ASH1L: variants seen among roughly 807,000 people sequenced by gnomAD.
ASH1L encodes the protein histone-lysine N-methyltransferase ASH1L.
ASH1L carries 23 observed loss-of-function variants against 269.0 expected under a neutral mutation model. The observed-to-expected ratio is 0.09, with a 90% CI of 0.06 to 0.12. The LOEUF (loss-of-function observed/expected upper bound fraction) is 0.12, where lower values mean the gene tolerates loss of function less well. ASH1L is among the 10% of genes least tolerant of loss of function. ASH1L has a pLI of 1.00. For missense variants in ASH1L, 2,912 were observed against 3,567.8 expected (o/e 0.82, Z 4.68); for synonymous variants, 1,187 against 1,253.5 (o/e 0.95, Z 1.12).
At position 155,339,344 on chromosome 1, in the gene ASH1L, T is replaced by C; in HGVS notation, c.8485A>G (p.Lys2829Glu). ...FSPHYVPDNY[K>E]RNGGRSSWKS... is the part of the protein sequence containing the mutation. The stretch of plus-strand genomic sequence containing the variant: ...GGGACTTACCGTCCTCCATTCCTCT[T>C]GTAGTTGTCTGGGACGTAATGAGGC... Residue 2829 changes from lysine (K) to glutamate (E), a missense_variant, in exon 26 of 28, where the codon AAG becomes GAG. Coordinates refer to ENST00000392403, the MANE Select transcript of ASH1L (RefSeq NM_018489.3). 6.2e-7 allele frequency: 1 copy of C among 1,613,672 alleles called. No individual in the cohort carries two copies. Among genetic ancestry groups the C allele is most frequent in the Middle Eastern group, 1.7e-4 (1 of 6,058 alleles).
intron 13 of ASH1L, among the ~76,000 whole-genome samples, chr1:155,358,071 G>A (rs927841932): frequency 2.0e-4 from 31 of 152,046 alleles, no homozygotes; most frequent in African/African-American, 7.2e-4. Flanking sequence ...GTGACCAGCT[G>A]AGAATAATTT....
At chr1:155,449,525 T>G (rs1663309449) in intron 4 of ASH1L, among the ~76,000 whole-genome samples, 2 of 151,360 alleles carry the variant, frequency 1.3e-5, no homozygotes, top group Admixed American at 6.6e-5. Context: ...TGTGGTTGTT[T>G]TTTTTTTTTT....
chr1:155,460,361 G>A (rs909270640), intron 3 of ASH1L, among the ~76,000 whole-genome samples: 2 of 152,196 alleles, frequency 1.3e-5, no homozygotes, highest in Admixed American at 6.5e-5. Context: ...TGTAATCCCA[G>A]TACTTTGGGA....
At chr1:155,459,488 G>A (rs887776387) in intron 4 of ASH1L, among the ~76,000 whole-genome samples, 1 of 152,132 alleles carries the variant, frequency 6.6e-6, no homozygotes, top group African/African-American at 2.4e-5. Context: ...AAGCCACAGC[G>A]CCTGGCCTTA....
At chr1:155,349,884 CTTTTTT>C (rs1299756334) in intron 17 of ASH1L, among the ~76,000 whole-genome samples, 1 of 97,698 alleles carries the variant, frequency 1.0e-5, no homozygotes, top group South Asian at 3.3e-4. Flanking sequence ...CGCCAAGCTA[CTTTTTT>C]TTTTTTTTTT....
Position 155,481,296 on chromosome 1 carries a change from A to G in ASH1L, c.1574T>C (p.Val525Ala), listed in dbSNP as rs751864310. 2.5e-6 allele frequency: 4 copies of G among 1,614,174 alleles called. No homozygotes were observed. In the South Asian group the frequency reaches 4.4e-5, roughly 18 times the overall value. ...ETSKHEKQPP[V>A]YCTSPDFKMG... ...TTTAAAGTCCGGAGAAGTGCAATAT[A>G]CAGGAGGCTGCTTTTCATGCTTTGA... The change falls in exon 3 of 28, where the codon GTA (valine) becomes GCA (alanine). Residue 525 changes from valine to alanine, a missense_variant. Physicochemically the swap from Val to Ala is moderately conservative, Grantham distance 64 (BLOSUM62 0). Transcript: ENST00000392403.
At chr1:155,443,977 A>ATTTTTT (rs1662797088) in intron 4 of ASH1L, among the ~76,000 whole-genome samples, 2 of 134,722 alleles carry the variant, frequency 1.5e-5, no homozygotes, top group African/African-American at 6.2e-5. Context: ...GAATTACTAA[A>ATTTTTT]TCTTTTTTTT....
intron 5 of ASH1L, among the ~76,000 whole-genome samples, chr1:155,438,017 T>A (rs1040768569): frequency 6.6e-6 from 1 of 152,094 alleles, no homozygotes; most frequent in African/African-American, 2.4e-5. Flanking sequence ...TCTAGCTAAT[T>A]TTTATATTTT....
At chr1:155,453,216 G>C (rs1158728889) in intron 4 of ASH1L, among the ~76,000 whole-genome samples, 1 of 152,054 alleles carries the variant, frequency 6.6e-6, no homozygotes, top group Non-Finnish European at 1.5e-5. Flanking sequence ...TTAGCCAGGC[G>C]TGGTAGCACA....
chr1:155,454,795 T>C (rs964580148), intron 4 of ASH1L, among the ~76,000 whole-genome samples: 1 of 152,018 alleles, frequency 6.6e-6, no homozygotes, highest in Admixed American at 6.6e-5. Flanking sequence ...AATAAATAAA[T>C]TTATGTAAAA....
chr1:155,494,709 G>C (rs1407963928), intron 2 of ASH1L, among the ~76,000 whole-genome samples: 2 of 152,106 alleles, frequency 1.3e-5, no homozygotes, highest in African/African-American at 4.8e-5. Flanking sequence ...TTTAGTTTGA[G>C]ACATGTTAAA....
intron 7 of ASH1L, 88 bp from the exon 8 acceptor site, chr1:155,380,204 C>T (rs1010831755): frequency 1.1e-6 from 1 of 898,008 alleles, no homozygotes; most frequent in Non-Finnish European, 1.7e-6. Flanking sequence ...CTAACATGTA[C>T]TGACTAAAAA....
At chr1:155,414,386 T>C (rs1660040199) in intron 6 of ASH1L, among the ~76,000 whole-genome samples, 1 of 152,136 alleles carries the variant, frequency 6.6e-6, no homozygotes, top group Non-Finnish European at 1.5e-5. Flanking sequence ...CTCGGCTCAC[T>C]GCAACCTCCG....
At chr1:155,404,586 G>A (rs1447803576) in intron 6 of ASH1L, among the ~76,000 whole-genome samples, 1 of 152,056 alleles carries the variant, frequency 6.6e-6, no homozygotes, top group South Asian at 2.1e-4. Context: ...ACACATGACG[G>A]AATCCACTAA....
chr1:155,346,592 T>C (rs1653354839), intron 20 of ASH1L, 123 bp from the exon 21 acceptor site: 2 of 737,480 alleles, frequency 2.7e-6, no homozygotes, highest in Non-Finnish European at 4.7e-6. Context: ...AAGGGATAAC[T>C]GGGTGAATGA....
In ASH1L at chr1:155,438,552, T is replaced by C. The variant is rs1040483514; in HGVS notation, c.5603A>G (p.Gln1868Arg). The C allele has an allele frequency of 1.2e-6, 2 of 1,613,800 alleles. No homozygotes were observed. The highest frequency in any genetic ancestry group is 1.3e-5 in the African/African-American group (1 of 74,936). The change falls in exon 5 of 28, where the codon CAG (glutamine) becomes CGG (arginine). Residue 1868 changes from glutamine (Q) to arginine (R), a missense_variant. By Grantham distance (43) the Gln-to-Arg change is conservative. Around this residue, in one of 13 missense-constraint regions of ASH1L, gnomAD observed 789 missense variants for 897.6 expected, o/e 0.88. Transcript: ENST00000392403. ...TTCTGGGTTGACAAACTGAGCAGCC[T>C]GGAATGCTTGCATTGATACGACAGC... Reference protein sequence around the residue: ...LQAVVSMQAFQAAQFVNPELN... With the variant: ...LQAVVSMQAFRAAQFVNPELN...
upstream of ASH1L, chr1:155,563,196 C>T: frequency 2.2e-6 from 1 of 456,708 alleles, no homozygotes; most frequent in Non-Finnish European, 4.4e-6. Flanking sequence ...TTGGAGGCCG[C>T]GGCGGCTGCG....
intron 2 of ASH1L, among the ~76,000 whole-genome samples, chr1:155,490,631 CACACACACACACAT>C (rs1666704077): frequency 6.6e-6 from 1 of 150,478 alleles, no homozygotes. Context: ...CACACACACA[CACACACACACACAT>C]ACACACACAC....
intron 1 of ASH1L, among the ~76,000 whole-genome samples, chr1:155,558,182 G>C (rs1045454710): frequency 5.3e-5 from 8 of 152,138 alleles, no homozygotes; most frequent in African/African-American, 1.9e-4. Flanking sequence ...TTATTAAGAA[G>C]TGATGTGCAG....
Sources: allele counts gnomAD v4.1 joint callset (sites outside exome capture counted in the v4.1 genomes callset), GRCh38; gene constraint gnomAD v4.1.1; regional missense constraint gnomAD v4.1.1; transcripts MANE v1.5; gene names NCBI Gene and HGNC (gene_info 2026-07-23, HGNC 2026-07-21).